The following MEIG1 variants were observed in gnomAD, a reference collection of about 807,000 sequenced individuals.
The protein encoded by MEIG1 is meiosis expressed gene 1 protein homolog.
A neutral mutation model predicts 11.3 loss-of-function variants in MEIG1; 12 were observed. The ratio of observed to expected loss-of-function variants is 1.07; its 90% CI spans 0.68 to 1.73. MEIG1 has a LOEUF of 1.73. Ranked by LOEUF, MEIG1 falls within the 40% of genes most tolerant of loss-of-function variation. The pLI, the probability that MEIG1 is intolerant of heterozygous loss-of-function variation, is 0.00. For missense variants in MEIG1, 119 were observed against 104.9 expected (o/e 1.13, Z -0.59); for synonymous variants, 41 against 33.2 (o/e 1.24, Z -0.81).
chr10:14,974,547 GTAA>G (rs1843190508), downstream of MEIG1, among the ~76,000 whole-genome samples: 9 of 152,156 alleles, frequency 5.9e-5, no homozygotes, highest in South Asian at 1.9e-3. Context: ...GTTTTGGGTC[GTAA>G]ACCAGCTGTC....
rs1843295743 is a variant in MEIG1, at chr10:14,984,252, G to GA, written n.67-2544_67-2543insA. Among the ~76,000 whole-genome samples the GA allele has an allele frequency of 4.0e-5, 6 of 151,838 alleles. No individual in the cohort carries two copies. The South Asian group carries it at 1.2e-3, about 32-fold the overall frequency. On this transcript the variant is annotated intron_variant and non_coding_transcript_variant, in intron 1 of 2. Coordinates refer to the MEIG1 transcript ENST00000467536. The stretch of plus-strand genomic sequence containing the variant: ...GATGTGGATCGTAATATCCAGGGTG[G>GA]GAGAGGGGGGTGATATTACTCCCCG...
rs1843163200 is a variant in MEIG1 at position 14,972,496 on chromosome 10, T to A, written c.139-17T>A. 1 of 1,613,930 alleles carries A rather than the reference T, an allele frequency of 6.2e-7. No homozygotes were observed. Among genetic ancestry groups the A allele is most frequent in the Admixed American group, 1.7e-5 (1 of 60,028 alleles). ...ACCCTCCATTGTAACGTTTGTACTCTGGTTCTTGATGTGCAGGTAGATCGT... is the reference window on the plus strand; with the variant it reads ...ACCCTCCATTGTAACGTTTGTACTCAGGTTCTTGATGTGCAGGTAGATCGT... On this transcript the variant is annotated splice_polypyrimidine_tract_variant and intron_variant, in intron 2 of 2. Coordinates refer to ENST00000407572, the MANE Select transcript of MEIG1 (RefSeq NM_001080836.3).
chr10:14,966,313 C>T, intron 1 of MEIG1, 127 bp from the exon 2 acceptor site: 1 of 468,864 alleles, frequency 2.1e-6, no homozygotes, highest in Admixed American at 4.7e-5. Context: ...CCACCTGCCT[C>T]AGCCTCCCAA....
intron 1 of MEIG1, among the ~76,000 whole-genome samples, chr10:14,962,885 T>C (rs907495678): frequency 2.7e-5 from 4 of 150,284 alleles, no homozygotes; most frequent in Non-Finnish European, 5.9e-5. Flanking sequence ...TGCCTCAGCC[T>C]CCTGATTAGC....
At chr10:14,988,011 T>C (rs1001334396) in exon 3 of MEIG1, 1 of 152,688 alleles carries the variant, frequency 6.5e-6, no homozygotes, top group African/African-American at 2.4e-5. Context: ...TTCGGTTTTC[T>C]GACATCACTT....
chr10:14,979,502 G>A (rs1427578933), intron 1 of MEIG1, among the ~76,000 whole-genome samples: 1 of 151,686 alleles, frequency 6.6e-6, no homozygotes, highest in African/African-American at 2.4e-5. Flanking sequence ...TATCCTGGGA[G>A]GATGTTACTC....
At chr10:14,964,551 A>G (rs1843054207) in intron 1 of MEIG1, among the ~76,000 whole-genome samples, 1 of 145,454 alleles carries the variant, frequency 6.9e-6, no homozygotes. Context: ...TCCTTTATAT[A>G]TATGTATATA....
upstream of MEIG1, among the ~76,000 whole-genome samples, chr10:14,955,757 A>G (rs762194721): frequency 6.6e-6 from 1 of 152,224 alleles, no homozygotes; most frequent in Admixed American, 6.5e-5. Flanking sequence ...GCCTGTAGCC[A>G]TGATACTCAG....
intron 1 of MEIG1, among the ~76,000 whole-genome samples, chr10:14,985,007 A>T (rs868496650): frequency 2.0e-5 from 3 of 152,146 alleles, no homozygotes; most frequent in Non-Finnish European, 4.4e-5. Flanking sequence ...CAATGCGTGT[A>T]CACCCTTTGA....
intron 2 of MEIG1, among the ~76,000 whole-genome samples, chr10:14,971,207 A>AATAATG (rs1237356426): frequency 2.7e-4 from 37 of 136,808 alleles, no homozygotes; most frequent in African/African-American, 9.3e-4. Context: ...GGCAACATAT[A>AATAATG]ATAATAATGA....
At chr10:14,963,799 C>G (rs118177754) in intron 1 of MEIG1, among the ~76,000 whole-genome samples, 5,537 of 152,118 alleles carry the variant, frequency 0.036, 177 homozygotes, top group Middle Eastern at 0.078. Flanking sequence ...CCCATCTCTA[C>G]TAAAAATATA....
At chr10:14,975,544 A>C (rs1437448761), downstream of MEIG1, among the ~76,000 whole-genome samples, 38 of 149,720 alleles carry the variant, frequency 2.5e-4, no homozygotes, top group Non-Finnish European at 3.3e-4. Context: ...GAAGATGATA[A>C]TACCCCCCAT....
chr10:14,965,656 G>T (rs1031343187), intron 1 of MEIG1, among the ~76,000 whole-genome samples: 2 of 149,796 alleles, frequency 1.3e-5, no homozygotes, highest in African/African-American at 5.0e-5. Flanking sequence ...GTGAGAAGAC[G>T]GGTCTTACAT....
At chr10:14,964,137 A>G (rs1589206167) in intron 1 of MEIG1, among the ~76,000 whole-genome samples, 1 of 151,842 alleles carries the variant, frequency 6.6e-6, no homozygotes, top group South Asian at 2.1e-4. Context: ...AAACACTATA[A>G]TATTTAGAAT....
chr10:14,978,449 T>C (rs1006265484), intron 1 of MEIG1, among the ~76,000 whole-genome samples: 1 of 151,960 alleles, frequency 6.6e-6, no homozygotes, highest in Non-Finnish European at 1.5e-5. Flanking sequence ...ATGATATTAT[T>C]CGTAATACTC....
At chr10:14,982,761 C>A (rs552385185) in intron 1 of MEIG1, among the ~76,000 whole-genome samples, 11 of 151,976 alleles carry the variant, frequency 7.2e-5, no homozygotes, top group African/African-American at 2.7e-4. Flanking sequence ...TAATAATTAT[C>A]AATATTAACA....
chr10:14,975,049 A>T (rs1416342940), downstream of MEIG1, among the ~76,000 whole-genome samples: 1 of 151,992 alleles, frequency 6.6e-6, no homozygotes, highest in Non-Finnish European at 1.5e-5. Flanking sequence ...ACCCGGTGAT[A>T]TTGATCCGAA....
At chr10:14,987,068 C>T (rs189796669) in intron 2 of MEIG1, 74 of 621,766 alleles carry the variant, frequency 1.2e-4, no homozygotes, top group Admixed American at 3.0e-4. Context: ...GCTACAAAGC[C>T]GTCATAGGCC....
At chr10:14,973,601 C>T (rs1353902204), downstream of MEIG1, among the ~76,000 whole-genome samples, 1 of 151,888 alleles carries the variant, frequency 6.6e-6, no homozygotes, top group Non-Finnish European at 1.5e-5. Context: ...AACCCTGTCT[C>T]TACTAAAAAA....
Sources: gnomAD v4.1 joint callset for allele counts (sites outside exome capture counted in the v4.1 genomes callset) on GRCh38, gnomAD v4.1.1 for gene constraint, MANE v1.5 for transcripts, NCBI Gene and HGNC (gene_info 2026-07-23, HGNC 2026-07-21) for gene names.